Variants in GRIN2B observed in about 807,000 individuals in gnomAD.
GRIN2B encodes the protein glutamate ionotropic receptor NMDA type subunit 2B.
Under a neutral mutation model 114.5 loss-of-function variants are expected in GRIN2B, and 5 were observed. That is an observed-to-expected ratio of 0.04 (90% CI 0.02 to 0.09). The LOEUF is 0.09. Ranked by LOEUF, GRIN2B falls within the 10% of genes least tolerant of loss-of-function variation. The pLI, the probability that GRIN2B is intolerant of heterozygous loss-of-function variation, is 1.00. For synonymous variants in GRIN2B, 787 were observed against 745.1 expected (o/e 1.06, Z -0.92); for missense variants, 1,108 against 1,943.5 (o/e 0.57, Z 8.08).
intron 4 of GRIN2B, among the ~76,000 whole-genome samples, chr12:13,724,594 A>G (rs1467718557): frequency 6.6e-6 from 1 of 152,248 alleles, no homozygotes; most frequent in East Asian, 1.9e-4. Context: ...AAATGGAAGT[A>G]TTAATTTTAT....
intron 10 of GRIN2B, among the ~76,000 whole-genome samples, chr12:13,592,204 T>C (rs1044520825): frequency 1.3e-5 from 2 of 151,960 alleles, no homozygotes; most frequent in African/African-American, 4.8e-5. Flanking sequence ...GATAAGTTGA[T>C]AGAAACAAGA....
At chr12:13,882,758 T>C (rs1448593550) in intron 2 of GRIN2B, among the ~76,000 whole-genome samples, 2 of 152,222 alleles carry the variant, frequency 1.3e-5, no homozygotes, top group Non-Finnish European at 2.9e-5. Flanking sequence ...TCTTTTAAGA[T>C]CCAGTTTACT....
At chr12:13,622,621 A>G (rs1426139412) in intron 5 of GRIN2B, among the ~76,000 whole-genome samples, 3 of 151,674 alleles carry the variant, frequency 2.0e-5, no homozygotes, top group African/African-American at 7.3e-5. Flanking sequence ...TTTTTTTTAA[A>G]TGTATCCCTC....
At chr12:13,640,445 T>C (rs540362754) in intron 5 of GRIN2B, among the ~76,000 whole-genome samples, 2 of 152,260 alleles carry the variant, frequency 1.3e-5, no homozygotes, top group South Asian at 4.1e-4. Flanking sequence ...TCTCACACAT[T>C]GATCTTGCCT....
At chr12:13,576,986 T>G (rs1948785175) in intron 10 of GRIN2B, among the ~76,000 whole-genome samples, 1 of 152,180 alleles carries the variant, frequency 6.6e-6, no homozygotes, top group South Asian at 2.1e-4. Context: ...CAGGCCCCAT[T>G]TCATAGATGA....
At chr12:13,840,456 C>G (rs1034283225) in intron 3 of GRIN2B, among the ~76,000 whole-genome samples, 2 of 152,062 alleles carry the variant, frequency 1.3e-5, no homozygotes, top group Non-Finnish European at 2.9e-5. Flanking sequence ...CCTGGCTGCC[C>G]CTCTTACCTG....
chr12:13,973,631 C>T (rs10845865), intron 2 of GRIN2B, among the ~76,000 whole-genome samples: 11,116 of 152,124 alleles, frequency 0.073, 474 homozygotes, highest in African/African-American at 0.1. Context: ...CTCTCAAGTC[C>T]CCTTGGAATG....
At chr12:13,856,260 A>G (rs915452059) in intron 3 of GRIN2B, among the ~76,000 whole-genome samples, 14 of 152,324 alleles carry the variant, frequency 9.2e-5, no homozygotes, top group African/African-American at 3.4e-4. Flanking sequence ...GTGGCTTGAC[A>G]TTGCTGCTCA....
chr12:13,736,561 G>A (rs956455378), intron 4 of GRIN2B, among the ~76,000 whole-genome samples: 6 of 151,822 alleles, frequency 4.0e-5, no homozygotes, highest in African/African-American at 9.7e-5. Flanking sequence ...TTTGTGTGTC[G>A]GTGATATGAA....
chr12:13,657,042 GC>G (rs952583941), intron 5 of GRIN2B, among the ~76,000 whole-genome samples: 3 of 152,160 alleles, frequency 2.0e-5, no homozygotes, highest in Non-Finnish European at 4.4e-5. Context: ...CAGATGTCCT[GC>G]TTGAGTCACA....
intron 4 of GRIN2B, among the ~76,000 whole-genome samples, chr12:13,746,067 A>G (rs922626275): frequency 6.7e-6 from 1 of 148,424 alleles, no homozygotes; most frequent in Admixed American, 6.7e-5. Flanking sequence ...TATATCAGAT[A>G]TGTGCTATGT....
At chr12:13,576,569 CAG>C (rs1948780949) in intron 10 of GRIN2B, among the ~76,000 whole-genome samples, 2 of 148,276 alleles carry the variant, frequency 1.3e-5, no homozygotes, top group African/African-American at 5.0e-5. Flanking sequence ...TTTTTTGAAA[CAG>C]AGTCTCACTC....
intron 5 of GRIN2B, among the ~76,000 whole-genome samples, chr12:13,672,010 GC>G (rs1349662341): frequency 6.6e-6 from 1 of 152,122 alleles, no homozygotes; most frequent in East Asian, 1.9e-4. Flanking sequence ...CATTAGGAGG[GC>G]CTTTCTGGAG....
intron 5 of GRIN2B, among the ~76,000 whole-genome samples, chr12:13,653,087 T>C (rs1020319486): frequency 2.0e-5 from 3 of 152,064 alleles, no homozygotes; most frequent in African/African-American, 7.2e-5. Context: ...ATTGCAGTAA[T>C]TCATGCAATC....
chr12:13,670,485 C>G (rs918476340), intron 5 of GRIN2B: 1 of 152,124 alleles, frequency 6.6e-6, no homozygotes, highest in African/African-American at 2.4e-5. Context: ...GAGCACACCC[C>G]CACTGCATTT....
chr12:13,716,523 G>A (rs531123369), intron 4 of GRIN2B, among the ~76,000 whole-genome samples: 2 of 151,952 alleles, frequency 1.3e-5, no homozygotes, highest in East Asian at 3.9e-4. Flanking sequence ...AATGGGCCAT[G>A]CATTTCATTG....
At chr12:13,639,356 C>T (rs1949692180) in intron 5 of GRIN2B, among the ~76,000 whole-genome samples, 1 of 152,130 alleles carries the variant, frequency 6.6e-6, no homozygotes, top group African/African-American at 2.4e-5. Flanking sequence ...AAAGCAGTCA[C>T]AGTGTTCATA....
intron 3 of GRIN2B, among the ~76,000 whole-genome samples, chr12:13,759,155 G>T (rs749280344): frequency 6.6e-5 from 10 of 151,528 alleles, no homozygotes; most frequent in South Asian, 2.1e-4. Flanking sequence ...CTACAGATGC[G>T]CACCACCACA....
chr12:13,826,800 A>C (rs1865043980), intron 3 of GRIN2B, among the ~76,000 whole-genome samples: 1 of 151,942 alleles, frequency 6.6e-6, no homozygotes, highest in Admixed American at 6.6e-5. Flanking sequence ...ACTATGTCTG[A>C]TGTTCTTCAA....
Sources: allele counts gnomAD v4.1 joint callset (sites outside exome capture counted in the v4.1 genomes callset), GRCh38; gene constraint gnomAD v4.1.1; transcripts MANE v1.5; gene names NCBI Gene and HGNC (gene_info 2026-07-23, HGNC 2026-07-21).